The following FSD1 variants were observed in gnomAD, a reference collection of about 807,000 sequenced individuals.
FSD1 encodes fibronectin type III and SPRY domain-containing protein 1.
FSD1 carries 23 observed loss-of-function variants against 58.2 expected under a neutral mutation model. That is an observed-to-expected ratio of 0.40 (90% confidence interval 0.28 to 0.56). FSD1 has a LOEUF of 0.56. Ranked by LOEUF, FSD1 falls within the 20% of genes least tolerant of loss-of-function variation. The pLI is 0.54. For synonymous variants in FSD1, 265 were observed against 263.4 expected, an observed-to-expected ratio of 1.01 and a Z score of -0.06; for missense variants, 563 against 670.8, an observed-to-expected ratio of 0.84 and a Z score of 1.78.
Position 4,310,580 on chromosome 19 carries a change from A to T in FSD1, c.474A>T (p.Ala158=), listed in dbSNP as rs773166650. 6.2e-7 allele frequency: 1 copy of T among 1,613,428 alleles called. No homozygotes were observed. Among genetic ancestry groups the T allele is most frequent in the Non-Finnish European group, 8.5e-7 (1 of 1,179,888 alleles). Residue 158 remains alanine, a synonymous_variant, in exon 6 of 13, where the codon GCA becomes GCT. Coordinates refer to ENST00000221856, the MANE Select transcript of FSD1 (RefSeq NM_024333.3). ...CGCAAGAGCGGCAGATGCTACAGGC[A>T]CTCAAGTTCCTGCCTGGTGAGAGGG... ...DFAQERQMLQ[A]LKFLPVPSAP...
At chr19:4,322,252 C>A (rs1176096429) in intron 10 of FSD1, among the ~76,000 whole-genome samples, 1 of 114,254 alleles carries the variant, frequency 8.8e-6, no homozygotes, top group African/African-American at 3.5e-5. Flanking sequence ...CTGAGAGGAA[C>A]AGCTGGGTCC....
chr19:4,314,859 AC>A (rs1180063940), intron 7 of FSD1, among the ~76,000 whole-genome samples: 2 of 152,202 alleles, frequency 1.3e-5, no homozygotes, highest in Non-Finnish European at 2.9e-5. Context: ...TCATGTCACC[AC>A]CAACACCACG....
Position 4,318,909 on chromosome 19 carries a change from G to A in FSD1, c.997G>A (p.Gly333Arg), listed in dbSNP as rs771080365. 2.0e-5 allele frequency: 32 copies of A among 1,613,554 alleles called. No homozygotes were observed. Among genetic ancestry groups the A allele is most frequent in the Non-Finnish European group, 2.7e-5 (32 of 1,179,984 alleles). The change falls in exon 10 of 13, where the codon GGG (glycine) becomes AGG (arginine). Residue 333 changes from glycine (G) to arginine (R), a missense_variant. Physicochemically the swap from Gly to Arg is moderately radical, Grantham distance 125. Coordinates refer to ENST00000221856, the MANE Select transcript of FSD1 (RefSeq NM_024333.3). ...TCCCAAGAGGATGCCCTCAGGTCGT[G>A]GGGGACGGGACCGCTTCACCGCTGA... ...PSPKRMPSGRGGRDRFTAESY... is the reference protein window; with the variant it reads ...PSPKRMPSGRRGRDRFTAESY...
rs35139245 is a variant in FSD1, at chr19:4,312,045, C to G, written c.694C>G (p.Leu232Val). The G allele has an allele frequency of 0.027, 43,702 of 1,605,202 alleles. 655 individuals are homozygous for G. The highest frequency in any genetic ancestry group is 0.032 in the Non-Finnish European group (37,595 of 1,179,124). Residue 232 changes from leucine (L) to valine (V), a missense_variant, in exon 7 of 13, where the codon CTG (leucine) becomes GTG (valine). Leu to Val is a conservative substitution (Grantham distance 32, BLOSUM62 1). Coordinates refer to ENST00000221856, the MANE Select transcript of FSD1 (RefSeq NM_024333.3). Reference sequence around the variant, plus strand: ...GGGCATCCGGCAGACAGAGTACACCCTGACAGGTAAGGGCAGTGTGTGCCA... The same window carrying G: ...GGGCATCCGGCAGACAGAGTACACCGTGACAGGTAAGGGCAGTGTGTGCCA... The part of the protein sequence containing the change: ...IEGIRQTEYT[L>V]TGLKFDMKYM...
chr19:4,312,470 A>C (rs1313529503), intron 7 of FSD1, among the ~76,000 whole-genome samples: 1 of 143,498 alleles, frequency 7.0e-6, no homozygotes, highest in Admixed American at 7.0e-5. Context: ...CAGCCTGGGC[A>C]ACAAAAGCGA....
intron 6 of FSD1, 47 bp from the exon 7 acceptor site, chr19:4,311,795 G>C: frequency 1.3e-6 from 2 of 1,589,356 alleles, no homozygotes; most frequent in Non-Finnish European, 1.7e-6. Flanking sequence ...CCTGCCCCCT[G>C]AACCAGGCAC....
intron 4 of FSD1, among the ~76,000 whole-genome samples, chr19:4,309,841 G>A (rs1456866335): frequency 5.9e-5 from 9 of 151,314 alleles, no homozygotes; most frequent in Non-Finnish European, 1.3e-4. Context: ...CCCGGGAGGC[G>A]GAGCTTGCAG....
intron 6 of FSD1, 167 bp downstream of exon 6, chr19:4,310,763 T>C: frequency 1.4e-6 from 1 of 692,040 alleles, no homozygotes; most frequent in Middle Eastern, 4.2e-4. Context: ...GGAGTTCTCA[T>C]GGAGCCCCGC....
At chr19:4,312,601 A>T (rs111284716) in intron 7 of FSD1, among the ~76,000 whole-genome samples, 10,949 of 151,964 alleles carry the variant, frequency 0.072, 430 homozygotes, top group African/African-American at 0.088. Flanking sequence ...CAGGAGATCG[A>T]GACCATCCTG....
chr19:4,304,841 A>AGC, intron 1 of FSD1, 80 bp downstream of exon 1: 2 of 312,796 alleles, frequency 6.4e-6, no homozygotes, highest in East Asian at 9.2e-5. Context: ...CAGCGCCCCC[A>AGC]CTCCCTCCCC....
At chr19:4,305,860 G>C (rs540703809) in intron 1 of FSD1, 86 bp from the exon 2 acceptor site, 8 of 936,842 alleles carry the variant, frequency 8.5e-6, no homozygotes, top group Non-Finnish European at 1.4e-5. Context: ...GTGTGTGCAC[G>C]TGTGTACATG....
In FSD1 at chr19:4,313,954, G is replaced by A. The variant is rs373097275; in HGVS notation, c.700+1903G>A. On this transcript the variant is annotated intron_variant, in intron 7 of 12. Transcript: ENST00000221856. ...GAGGAGTGAGAATCACTTCAGCCTGGGAGGCGGAGGCTGCAGTGAGCAGAG... is the reference window on the plus strand; with the variant it reads ...GAGGAGTGAGAATCACTTCAGCCTGAGAGGCGGAGGCTGCAGTGAGCAGAG... Among the ~76,000 whole-genome samples, 8 of 151,864 alleles carry A rather than the reference G, an allele frequency of 5.3e-5. No individual in the cohort carries two copies. In the East Asian group the frequency reaches 1.2e-3, roughly 22 times the overall value.
At chr19:4,306,899 C>T (rs1971628829) in intron 3 of FSD1, among the ~76,000 whole-genome samples, 1 of 152,158 alleles carries the variant, frequency 6.6e-6, no homozygotes, top group South Asian at 2.1e-4. Flanking sequence ...TCCACTCAAA[C>T]ACCACCCATG....
At chr19:4,305,692 T>A (rs1163072787) in intron 1 of FSD1, among the ~76,000 whole-genome samples, 2 of 152,158 alleles carry the variant, frequency 1.3e-5, no homozygotes, top group African/African-American at 4.8e-5. Flanking sequence ...CCAAGCTCAA[T>A]AGCGTGGCAG....
chr19:4,307,872 G>C lies in FSD1; in HGVS notation c.244-10G>C. On this transcript the variant is annotated splice_polypyrimidine_tract_variant and intron_variant, in intron 3 of 12. Transcript: ENST00000221856. ...GAGTTGTCCCCTCCTTTGGTGCCTG[G>C]TATCCACAGAACCAGCTGGCTGCCT... is the stretch of plus-strand genomic sequence containing the variant. The C allele has an allele frequency of 1.9e-6, 3 of 1,609,838 alleles. No homozygotes were observed. The highest frequency in any genetic ancestry group is 1.3e-5 in the African/African-American group (1 of 74,910).
rs1971729778 is a variant in FSD1, at chr19:4,323,499, T to C, written c.1381-34T>C. Reference sequence around the variant, plus strand: ...GGTGCTGGGCGCTGGGGTTTGAAGCTGAGCCCCTCCCCCCTCCCCCCGCTG... The same window carrying C: ...GGTGCTGGGCGCTGGGGTTTGAAGCCGAGCCCCTCCCCCCTCCCCCCGCTG... On this transcript the variant is annotated intron_variant, in intron 12 of 12. Transcript: ENST00000221856. This position sits in a 1 kb window ranked among gnomAD's most constrained non-coding sequence, Gnocchi z 7.7. 6.3e-7 allele frequency: 1 copy of C among 1,577,830 alleles called. No individual in the cohort carries two copies.
chr19:4,312,164 T>A, intron 7 of FSD1, 113 bp downstream of exon 7: 1 of 950,662 alleles, frequency 1.1e-6, no homozygotes, highest in Non-Finnish European at 1.6e-6. Flanking sequence ...GCTCATGGGG[T>A]CTGGAAGCAG....
intron 4 of FSD1, among the ~76,000 whole-genome samples, chr19:4,309,769 T>C (rs915984892): frequency 1.3e-5 from 2 of 150,332 alleles, no homozygotes; most frequent in Non-Finnish European, 3.0e-5. Flanking sequence ...ATTAGCTGGG[T>C]GTGGTGGCGG....
At chr19:4,306,097 T>C in intron 2 of FSD1, 56 bp downstream of exon 2, 1 of 1,604,726 alleles carries the variant, frequency 6.2e-7, no homozygotes, top group Non-Finnish European at 8.5e-7. Context: ...AGCTGGAGGG[T>C]GCAGCCTTAG....
Sources: gnomAD v4.1 joint callset for allele counts (sites outside exome capture counted in the v4.1 genomes callset) on GRCh38, gnomAD v4.1.1 for gene constraint, Gnocchi (gnomAD v3.1) non-coding constraint, MANE v1.5 for transcripts, NCBI Gene and HGNC (gene_info 2026-07-23, HGNC 2026-07-21) for gene names.